The following SLC5A4 variants were observed in gnomAD, a reference collection of about 807,000 sequenced individuals.
The protein encoded by SLC5A4 is probable glucose sensor protein SLC5A4.
A neutral mutation model predicts 70.3 loss-of-function variants in SLC5A4; 55 were observed. The ratio of observed to expected loss-of-function variants is 0.78; its 90% CI spans 0.63 to 0.98. The LOEUF is 0.98. SLC5A4 is among the 50% of genes least tolerant of loss of function. The probability of loss-of-function intolerance (pLI) is 0.00; values close to 1 mark genes in which losing one functional copy is unlikely to be tolerated. For synonymous variants in SLC5A4, 268 were observed against 305.7 expected (o/e 0.88, Z 1.29); for missense variants, 735 against 839.2 (o/e 0.88, Z 1.53).
chr22:32,307,513 C>T, the SLC5A4 span, among the ~76,000 whole-genome samples: 2 of 152,276 alleles, frequency 1.3e-5, no homozygotes, highest in South Asian at 2.1e-4. Context: ...AAGTGGCAGG[C>T]GTTCGGCAAG....
chr22:32,328,566 C>T, the SLC5A4 span, among the ~76,000 whole-genome samples: 6 of 152,122 alleles, frequency 3.9e-5, no homozygotes, highest in African/African-American at 1.4e-4. Flanking sequence ...AACCTACTAC[C>T]AGCCACCTGA....
At chr22:32,246,518 ATGTT>A (rs1250001827) in intron 5 of SLC5A4, among the ~76,000 whole-genome samples, 2 of 151,906 alleles carry the variant, frequency 1.3e-5, no homozygotes, top group African/African-American at 2.4e-5. Flanking sequence ...CAAAAATGTA[ATGTT>A]TGTTTGTTTA....
chr22:32,274,514 A>G, the SLC5A4 span, among the ~76,000 whole-genome samples: 1 of 152,206 alleles, frequency 6.6e-6, no homozygotes, highest in African/African-American at 2.4e-5. Context: ...GAAGTGAACA[A>G]AAGAAACAAT....
intron 13 of SLC5A4, 131 bp downstream of exon 13, chr22:32,224,136 G>T (rs578032566): frequency 5.4e-5 from 36 of 664,462 alleles, no homozygotes; most frequent in Middle Eastern, 3.7e-4. Context: ...TAACCAGGAT[G>T]GTCTCCATCT....
the SLC5A4 span, among the ~76,000 whole-genome samples, chr22:32,325,630 A>G: frequency 7.2e-5 from 11 of 152,158 alleles, no homozygotes; most frequent in Non-Finnish European, 1.0e-4. Flanking sequence ...ATCATTCCTA[A>G]TTCTCAAACC....
At chr22:32,324,139 A>G in the SLC5A4 span, among the ~76,000 whole-genome samples, 3 of 149,322 alleles carry the variant, frequency 2.0e-5, no homozygotes, top group Admixed American at 6.8e-5. Flanking sequence ...GAGGGTCGCT[A>G]TGGCATTGAC....
chr22:32,325,532 G>A, the SLC5A4 span, among the ~76,000 whole-genome samples: 2 of 152,358 alleles, frequency 1.3e-5, no homozygotes, highest in African/African-American at 2.4e-5. Flanking sequence ...CGGCAGGGGT[G>A]AGTATGGAGA....
chr22:32,237,827 A>G (rs1926150555), intron 6 of SLC5A4, among the ~76,000 whole-genome samples: 3 of 152,200 alleles, frequency 2.0e-5, no homozygotes, highest in Admixed American at 2.0e-4. Context: ...TCAGTTCTAG[A>G]CTAACTAGGC....
At chr22:32,294,665 C>CTT in the SLC5A4 span, among the ~76,000 whole-genome samples, 2 of 87,666 alleles carry the variant, frequency 2.3e-5, no homozygotes, top group African/African-American at 8.6e-5. Context: ...TGGTGGTTGG[C>CTT]TTTTTCTTTT....
intron 2 of SLC5A4, 50 bp from the exon 3 acceptor site, chr22:32,251,924 G>T: frequency 7.3e-7 from 1 of 1,376,890 alleles, no homozygotes; most frequent in South Asian, 1.2e-5. Flanking sequence ...ATCCAAATCA[G>T]ACTTCTTGAA....
At chr22:32,270,953 G>A in the SLC5A4 span, 2 of 552,700 alleles carry the variant, frequency 3.6e-6, no homozygotes, top group Non-Finnish European at 3.4e-6. Flanking sequence ...CCTGAGCGGG[G>A]CTCACGATGA....
chr22:32,237,363 T>C (rs927495657), intron 6 of SLC5A4, 39 bp from the exon 7 acceptor site: 2 of 1,370,372 alleles, frequency 1.5e-6, no homozygotes, highest in Non-Finnish European at 1.0e-6. Context: ...ATTTTATCCA[T>C]GTGTCCTCAT....
chr22:32,279,993 T>C, the SLC5A4 span, among the ~76,000 whole-genome samples: 1 of 152,152 alleles, frequency 6.6e-6, no homozygotes, highest in African/African-American at 2.4e-5. Flanking sequence ...CCCAATTGCC[T>C]TACTCCAGTT....
chr22:32,315,275 G>T, the SLC5A4 span, among the ~76,000 whole-genome samples: 1 of 109,888 alleles, frequency 9.1e-6, no homozygotes, highest in Admixed American at 1.1e-4. Flanking sequence ...AGAGAAGAAT[G>T]AAACAAAACA....
intron 1 of SLC5A4, among the ~76,000 whole-genome samples, chr22:32,254,969 G>A (rs1927390892): frequency 6.6e-6 from 1 of 152,158 alleles, no homozygotes; most frequent in Admixed American, 6.6e-5. Flanking sequence ...TGTTGGGGAT[G>A]CATAGTAAAT....
chr22:32,265,113 T>C, the SLC5A4 span, among the ~76,000 whole-genome samples: 7 of 152,214 alleles, frequency 4.6e-5, no homozygotes, highest in Non-Finnish European at 1.0e-4. Flanking sequence ...TCAAATTTGC[T>C]TCCTTGCCAG....
At chr22:32,269,458 C>G in the SLC5A4 span, 2 of 517,694 alleles carry the variant, frequency 3.9e-6, no homozygotes, top group Admixed American at 2.4e-5. This position sits in a 1 kb window ranked among gnomAD's most constrained non-coding sequence, Gnocchi z 4.1. Context: ...ACGGCTACTA[C>G]AAGCCCATCC....
chr22:32,299,424 C>A, the SLC5A4 span, among the ~76,000 whole-genome samples: 1 of 107,204 alleles, frequency 9.3e-6, no homozygotes, highest in Admixed American at 1.0e-4. Context: ...ATCGCTGACA[C>A]CCTTTCTTCC....
At position 32,241,775 on chromosome 22, in the gene SLC5A4, ATGTG is replaced by A. The variant is rs373261572; in HGVS notation, c.478-2689_478-2686del. 3.5e-3 allele frequency among the ~76,000 whole-genome samples: 489 copies of A among 139,172 alleles called. 2 individuals carry two copies. The highest frequency in any genetic ancestry group is 7.2e-3 in the Middle Eastern group (2 of 278). 91.3% of individuals were successfully genotyped at this position (139,172 alleles called of 152,430 possible). A position where few individuals can be genotyped will look rare whatever the true frequency, so the allele number is the denominator to read the frequency against. The stretch of plus-strand genomic sequence containing the variant: ...GAGCAAACAAATTTTACATATATAT[ATGTG>A]TGTGTGTGTGTGTGTGTGTGTGTGT... On this transcript the variant is annotated intron_variant, in intron 5 of 14. Coordinates refer to ENST00000266086, the MANE Select transcript of SLC5A4 (RefSeq NM_014227.3).
Sources: allele counts gnomAD v4.1 joint callset (sites outside exome capture counted in the v4.1 genomes callset), GRCh38; gene constraint gnomAD v4.1.1; non-coding constraint Gnocchi (gnomAD v3.1); transcripts MANE v1.5; gene names NCBI Gene and HGNC (gene_info 2026-07-23, HGNC 2026-07-21).